GLRB: variants seen among roughly 807,000 people sequenced by gnomAD.
GLRB encodes the protein glycine receptor beta, also known as glycine receptor subunit beta.
GLRB carries 33 observed loss-of-function variants against 54.2 expected under a neutral mutation model. The ratio of observed to expected loss-of-function variants is 0.61; its 90% CI spans 0.46 to 0.81. GLRB has a LOEUF of 0.81. Among genes scored for constraint, GLRB ranks in the 40% least tolerant of loss-of-function variants. GLRB has a pLI of 0.00. For synonymous variants in GLRB, 209 were observed against 208.2 expected (o/e 1.00, Z -0.03); for missense variants, 572 against 584.6 (o/e 0.98, Z 0.22).
intron 8 of GLRB, among the ~76,000 whole-genome samples, chr4:157,149,496 C>CT (rs1003404483): frequency 6.6e-6 from 1 of 151,936 alleles, no homozygotes; most frequent in African/African-American, 2.4e-5. Context: ...AAAGGGAATA[C>CT]TTTTTTTAAC....
intron 4 of GLRB, among the ~76,000 whole-genome samples, chr4:157,129,255 A>G (rs1333066443): frequency 6.6e-6 from 1 of 151,784 alleles, no homozygotes; most frequent in African/African-American, 2.4e-5. Context: ...CCCACTCATA[A>G]AAGAGGTCTG....
rs1013879596 is a variant in GLRB at position 157,115,556 on chromosome 4, A to C, written c.123-5000A>C. 2.4e-4 allele frequency among the ~76,000 whole-genome samples: 36 copies of C among 151,906 alleles called. 1 individual carries two copies. Among genetic ancestry groups the C allele is most frequent in the African/African-American group, 8.7e-4 (36 of 41,516 alleles). ...GAAAAGCAGAATTAACAGTAATCAA[A>C]ACATCCCACAGAGTCAGAATTGCTT... On this transcript the variant is annotated intron_variant, in intron 2 of 9. Coordinates refer to ENST00000264428, the MANE Select transcript of GLRB (RefSeq NM_000824.5).
intron 2 of GLRB, among the ~76,000 whole-genome samples, chr4:157,079,974 C>T (rs1272860642): frequency 6.6e-6 from 1 of 152,100 alleles, no homozygotes; most frequent in African/African-American, 2.4e-5. Flanking sequence ...TCTCCCAGTA[C>T]ACCCACCCCC....
intron 4 of GLRB, chr4:157,136,259 T>C (rs1736394795): frequency 1.1e-5 from 6 of 556,850 alleles, no homozygotes; most frequent in Non-Finnish European, 1.9e-5. Flanking sequence ...CTACGGAATG[T>C]CTGCAGAGAG....
chr4:157,171,873 C>A lies in GLRB; in HGVS notation c.*1145C>A, dbSNP rs544631091. The A allele has an allele frequency of 1.2e-4, 18 of 151,660 alleles. No homozygotes were observed. Among genetic ancestry groups the A allele is most frequent in the Admixed American group, 2.0e-4 (3 of 15,210 alleles). 9.4% of individuals were successfully genotyped at this position (151,660 alleles called of 1,614,324 possible). ...TACTTACTTTGAACTTGTTCCAATCCAAAAGTAAGCACTAAGTCTCATTTT... is the reference window on the plus strand; with the variant it reads ...TACTTACTTTGAACTTGTTCCAATCAAAAAGTAAGCACTAAGTCTCATTTT... On this transcript the variant is annotated 3_prime_UTR_variant, in exon 10 of 10. Coordinates refer to ENST00000264428, the MANE Select transcript of GLRB (RefSeq NM_000824.5).
intron 9 of GLRB, among the ~76,000 whole-genome samples, chr4:157,161,106 T>C (rs1314579107): frequency 6.6e-6 from 1 of 152,242 alleles, no homozygotes; most frequent in East Asian, 1.9e-4. Context: ...TTGTCTCTTT[T>C]GATCTTTGTT....
At chr4:157,166,784 A>T (rs536286813) in intron 9 of GLRB, among the ~76,000 whole-genome samples, 1 of 152,068 alleles carries the variant, frequency 6.6e-6, no homozygotes, top group African/African-American at 2.4e-5. Context: ...CACTGAAAAA[A>T]TTATTCTCTT....
intron 4 of GLRB, among the ~76,000 whole-genome samples, chr4:157,130,680 G>T (rs1736181880): frequency 6.6e-6 from 1 of 151,540 alleles, no homozygotes; most frequent in Non-Finnish European, 1.5e-5. Context: ...TCAGCTTTTG[G>T]CTGCTGTAAA....
chr4:157,103,913 T>TG (rs1181148484), intron 2 of GLRB, among the ~76,000 whole-genome samples: 9 of 151,928 alleles, frequency 5.9e-5, no homozygotes, highest in South Asian at 2.1e-4. Context: ...GAAATTTGTT[T>TG]ATCAGTTTTA....
intron 2 of GLRB, among the ~76,000 whole-genome samples, chr4:157,108,218 G>C (rs1428922850): frequency 6.6e-6 from 1 of 152,084 alleles, no homozygotes; most frequent in Non-Finnish European, 1.5e-5. Context: ...TTCAGACCAT[G>C]AATCAAGGAG....
chr4:157,097,826 G>A (rs866169404), intron 2 of GLRB, among the ~76,000 whole-genome samples: 1 of 152,102 alleles, frequency 6.6e-6, no homozygotes, highest in African/African-American at 2.4e-5. Flanking sequence ...TTCGAGACCA[G>A]CCTGGCCACA....
intron 2 of GLRB, among the ~76,000 whole-genome samples, chr4:157,115,808 C>A (rs1188560810): frequency 6.6e-6 from 1 of 151,764 alleles, no homozygotes; most frequent in Admixed American, 6.6e-5. Context: ...CTCATTCTAC[C>A]CTTGTGTCTG....
intron 2 of GLRB, among the ~76,000 whole-genome samples, chr4:157,108,492 G>A (rs986220690): frequency 5.3e-5 from 8 of 152,066 alleles, no homozygotes; most frequent in Non-Finnish European, 8.8e-5. Context: ...GGAATTAACT[G>A]CAGAGATGGT....
At chr4:157,145,991 T>C (rs1333012096) in intron 8 of GLRB, among the ~76,000 whole-genome samples, 2 of 151,486 alleles carry the variant, frequency 1.3e-5, no homozygotes, top group Non-Finnish European at 2.9e-5. Context: ...GTGGACTATG[T>C]AGCATCTGCT....
Position 157,154,866 on chromosome 4 carries a change from A to G in GLRB, c.1197+1856A>G, listed in dbSNP as rs79094782. The stretch of plus-strand genomic sequence containing the variant: ...GGATAAGTTATGCATGCATAACATC[A>G]CGATCTACTAGTGTCATTATTTTGC... On this transcript the variant is annotated intron_variant, in intron 9 of 9. Coordinates refer to ENST00000264428, the MANE Select transcript of GLRB (RefSeq NM_000824.5). 4.5e-4 allele frequency among the ~76,000 whole-genome samples: 69 copies of G among 152,272 alleles called. No homozygotes were observed. In the East Asian group the frequency reaches 8.3e-3, roughly 18 times the overall value.
At chr4:157,133,237 T>C (rs1489886722) in intron 4 of GLRB, among the ~76,000 whole-genome samples, 1 of 151,804 alleles carries the variant, frequency 6.6e-6, no homozygotes, top group Non-Finnish European at 1.5e-5. Context: ...TGGGGCCAGG[T>C]TTCATGCTTT....
At position 157,170,564 on chromosome 4, in the gene GLRB, G is replaced by A; in HGVS notation, c.1330G>A (p.Val444Ile). ...NYDCYGKPIE[V>I]NNGLGKSQAK... ...TGACTGCTATGGAAAACCCATTGAA[G>A]TTAACAACGGACTTGGGAAATCTCA... Residue 444 changes from valine to isoleucine, a missense_variant, in exon 10 of 10, where the codon GTT becomes ATT. Transcript: ENST00000264428. The A allele has an allele frequency of 6.2e-7, 1 of 1,613,386 alleles. No homozygotes were observed. Among genetic ancestry groups the A allele is most frequent in the Non-Finnish European group, 8.5e-7 (1 of 1,179,486 alleles).
At chr4:157,153,787 G>A (rs1282679677) in intron 9 of GLRB, among the ~76,000 whole-genome samples, 1 of 152,094 alleles carries the variant, frequency 6.6e-6, no homozygotes, top group Non-Finnish European at 1.5e-5. Context: ...TGAGCTAAGA[G>A]CAGTAAATTC....
At chr4:157,134,011 G>A (rs940057669) in intron 4 of GLRB, among the ~76,000 whole-genome samples, 5 of 151,894 alleles carry the variant, frequency 3.3e-5, no homozygotes, top group Admixed American at 6.6e-5. Flanking sequence ...ACATGTGTGC[G>A]TGTATGGAAA....
Sources: allele counts gnomAD v4.1 joint callset (sites outside exome capture counted in the v4.1 genomes callset), GRCh38; gene constraint gnomAD v4.1.1; transcripts MANE v1.5; gene names NCBI Gene and HGNC (gene_info 2026-07-23, HGNC 2026-07-21).